MAD1L1: variants seen among roughly 807,000 people sequenced by gnomAD.
The protein encoded by MAD1L1 is mitotic arrest deficient 1 like 1, also known as mitotic spindle assembly checkpoint protein MAD1.
Under a neutral mutation model 96.9 loss-of-function variants are expected in MAD1L1, and 95 were observed. That is an observed-to-expected ratio of 0.98 (90% CI 0.83 to 1.16). MAD1L1 has a LOEUF of 1.16. MAD1L1 is among the 50% of genes most tolerant of loss of function. The pLI is 0.00. For synonymous variants in MAD1L1, 473 were observed against 396.6 expected (o/e 1.19, Z -2.29); for missense variants, 1,007 against 954.4 (o/e 1.06, Z -0.73).
intron 16 of MAD1L1, among the ~76,000 whole-genome samples, chr7:1,947,016 C>T (rs555932765): frequency 6.6e-6 from 1 of 152,300 alleles, no homozygotes; most frequent in East Asian, 1.9e-4. Flanking sequence ...GCCCCTAACT[C>T]GCTGGTAGGT....
In MAD1L1 at chr7:2,179,259, G is replaced by A. The variant is rs184589606; in HGVS notation, c.987-30021C>T. ...GAAAAATCAGTCTAGACCGGGCACG[G>A]TGGCTCATGCCTGTAATCCCAGCAC... On this transcript the variant is annotated intron_variant, in intron 10 of 18. Coordinates refer to ENST00000265854, the MANE Select transcript of MAD1L1 (RefSeq NM_001013836.2). Among the ~76,000 whole-genome samples, 283 of 152,320 alleles carry A rather than the reference G, an allele frequency of 1.9e-3. 1 individual carries two copies. The highest frequency in any genetic ancestry group is 2.9e-3 in the Non-Finnish European group (198 of 68,032).
At chr7:2,215,247 G>A (rs1281798314) in intron 9 of MAD1L1, among the ~76,000 whole-genome samples, 4 of 151,860 alleles carry the variant, frequency 2.6e-5, no homozygotes, top group African/African-American at 4.8e-5. Flanking sequence ...GTGTGGTGGC[G>A]CACGCCTGTA....
chr7:1,900,630 A>C (rs1787186312), intron 17 of MAD1L1, among the ~76,000 whole-genome samples: 1 of 152,174 alleles, frequency 6.6e-6, no homozygotes, highest in Non-Finnish European at 1.5e-5. Flanking sequence ...GGCTATCGGT[A>C]GCAGGAATTG....
intron 16 of MAD1L1, among the ~76,000 whole-genome samples, chr7:1,939,334 C>A (rs999550952): frequency 2.6e-5 from 4 of 151,782 alleles, no homozygotes; most frequent in African/African-American, 4.8e-5. Flanking sequence ...CATACACACA[C>A]ACACAGGCCA....
intron 11 of MAD1L1, among the ~76,000 whole-genome samples, chr7:2,106,267 G>A (rs145216465): frequency 1.1e-3 from 162 of 152,120 alleles, no homozygotes; most frequent in Non-Finnish European, 2.1e-3. Flanking sequence ...ACGGCAGGCC[G>A]CTTCTCTATC....
chr7:2,127,746 A>G (rs1306757596), intron 11 of MAD1L1, among the ~76,000 whole-genome samples: 2 of 152,070 alleles, frequency 1.3e-5, no homozygotes, highest in Non-Finnish European at 2.9e-5. Flanking sequence ...AGACCCCTGC[A>G]CTCCGGGAAA....
At chr7:1,986,948 G>A (rs1204529077) in intron 14 of MAD1L1, among the ~76,000 whole-genome samples, 1 of 151,432 alleles carries the variant, frequency 6.6e-6, no homozygotes. Flanking sequence ...CACCCACCCT[G>A]CACCTCCCCG....
intron 10 of MAD1L1, among the ~76,000 whole-genome samples, chr7:2,153,164 A>G (rs1789664039): frequency 6.6e-6 from 1 of 152,224 alleles, no homozygotes; most frequent in Non-Finnish European, 1.5e-5. Flanking sequence ...AGCACAGGCA[A>G]CAAAAACAAA....
intron 12 of MAD1L1, among the ~76,000 whole-genome samples, chr7:2,017,724 C>T (rs373584719): frequency 6.6e-6 from 1 of 152,178 alleles, no homozygotes; most frequent in Non-Finnish European, 1.5e-5. Context: ...TGCTCCGGCG[C>T]GCTAATTACC....
At chr7:1,877,640 A>G (rs1405761106) in intron 18 of MAD1L1, among the ~76,000 whole-genome samples, 1 of 152,228 alleles carries the variant, frequency 6.6e-6, no homozygotes, top group Admixed American at 6.5e-5. Context: ...TATCTTCAAA[A>G]AATCCATTAA....
At chr7:1,915,866 G>A (rs1788354620) in intron 17 of MAD1L1, among the ~76,000 whole-genome samples, 1 of 152,130 alleles carries the variant, frequency 6.6e-6, no homozygotes, top group African/African-American at 2.4e-5. Flanking sequence ...GGGAATTCTT[G>A]GGACAAAGCA....
chr7:2,090,397 T>A (rs1446102484), intron 11 of MAD1L1, among the ~76,000 whole-genome samples: 1 of 152,204 alleles, frequency 6.6e-6, no homozygotes, highest in East Asian at 1.9e-4. Context: ...AATTTTGATT[T>A]TGATTTTGGA....
At chr7:2,042,107 G>GCACACA (rs61559940) in intron 12 of MAD1L1, among the ~76,000 whole-genome samples, 4 of 150,762 alleles carry the variant, frequency 2.7e-5, no homozygotes, top group African/African-American at 9.8e-5. Flanking sequence ...ACGCACATGT[G>GCACACA]CACACACACA....
At chr7:2,208,790 G>A (rs1198696657) in intron 10 of MAD1L1, among the ~76,000 whole-genome samples, 1 of 152,102 alleles carries the variant, frequency 6.6e-6, no homozygotes, top group Non-Finnish European at 1.5e-5. Flanking sequence ...TGTGCCCGAG[G>A]TCTTGCCGAG....
At chr7:1,858,403 G>A (rs1583574893) in intron 18 of MAD1L1, among the ~76,000 whole-genome samples, 1 of 152,250 alleles carries the variant, frequency 6.6e-6, no homozygotes, top group Non-Finnish European at 1.5e-5. Context: ...CTGGCTTGGA[G>A]ATCTCTGAAA....
At chr7:1,975,197 CA>C (rs1198698346) in intron 15 of MAD1L1, among the ~76,000 whole-genome samples, 1 of 152,222 alleles carries the variant, frequency 6.6e-6, no homozygotes, top group Non-Finnish European at 1.5e-5. Context: ...AATGAGGCCA[CA>C]AAGGCTCCCC....
chr7:2,084,604 CGGTG>C (rs536184724), intron 11 of MAD1L1, among the ~76,000 whole-genome samples: 1 of 152,214 alleles, frequency 6.6e-6, no homozygotes, highest in Admixed American at 6.5e-5. Context: ...TCCTGAGCCA[CGGTG>C]GCGGCCACTG....
chr7:1,840,219 C>T (rs142719657), intron 18 of MAD1L1, among the ~76,000 whole-genome samples: 164 of 152,330 alleles, frequency 1.1e-3, no homozygotes, highest in African/African-American at 3.8e-3. Flanking sequence ...GCCCTGGAGC[C>T]GGTGAGCGTG....
In MAD1L1 at chr7:2,208,855, T is replaced by C. The variant is rs529489290; in HGVS notation, c.986+4357A>G. Among the ~76,000 whole-genome samples the C allele has an allele frequency of 1.7e-3, 261 of 152,106 alleles. 1 individual carries two copies. Among genetic ancestry groups the C allele is most frequent in the African/African-American group, 5.6e-3 (232 of 41,482 alleles). On this transcript the variant is annotated intron_variant, in intron 10 of 18. Coordinates refer to ENST00000265854, the MANE Select transcript of MAD1L1 (RefSeq NM_001013836.2). ...GGCCTCCGCTTTCCTCACCCGTAAG[T>C]CACTCCCCGAGACAGACCATGCTCC...
Sources: allele counts gnomAD v4.1 joint callset (sites outside exome capture counted in the v4.1 genomes callset), GRCh38; gene constraint gnomAD v4.1.1; transcripts MANE v1.5; gene names NCBI Gene and HGNC (gene_info 2026-07-23, HGNC 2026-07-21).